Variants in IKZF3 observed in about 807,000 individuals in gnomAD.
IKZF3 encodes the protein IKAROS family zinc finger 3, also known as zinc finger protein Aiolos.
A neutral mutation model predicts 49.0 loss-of-function variants in IKZF3; 10 were observed. That is an observed-to-expected ratio of 0.20 (90% CI 0.13 to 0.35). IKZF3 has a LOEUF of 0.35. IKZF3 is among the 10% of genes least tolerant of loss of function. The pLI is 1.00. For missense variants in IKZF3, 498 were observed against 664.8 expected (o/e 0.75, Z 2.76); for synonymous variants, 209 against 228.2 (o/e 0.92, Z 0.76).
intron 1 of IKZF3, among the ~76,000 whole-genome samples, chr17:39,849,646 C>T (rs1342772906): frequency 1.3e-5 from 2 of 151,664 alleles, no homozygotes; most frequent in Non-Finnish European, 2.9e-5. Flanking sequence ...AGCGAGACTC[C>T]GTCTCAGGAA....
intron 3 of IKZF3, among the ~76,000 whole-genome samples, chr17:39,824,707 TC>T (rs1337362785): frequency 7.3e-5 from 11 of 151,420 alleles, no homozygotes; most frequent in African/African-American, 2.7e-4. Context: ...TTTTTTTTTT[TC>T]CTTTTGAGAC....
intron 1 of IKZF3, among the ~76,000 whole-genome samples, chr17:39,850,166 T>TA (rs1457375326): frequency 2.5e-5 from 3 of 121,452 alleles, no homozygotes; most frequent in Admixed American, 2.5e-4. Flanking sequence ...ATATACTATA[T>TA]GTATATATAC....
intron 3 of IKZF3, among the ~76,000 whole-genome samples, chr17:39,827,700 C>T (rs2144268419): frequency 6.6e-6 from 1 of 152,222 alleles, no homozygotes; most frequent in South Asian, 2.1e-4. Flanking sequence ...ACGAAAGAAC[C>T]AGAACAGAAG....
At chr17:39,854,183 A>G (rs2062970966) in intron 1 of IKZF3, among the ~76,000 whole-genome samples, 1 of 152,166 alleles carries the variant, frequency 6.6e-6, no homozygotes, top group Non-Finnish European at 1.5e-5. Flanking sequence ...ACAGTAAATA[A>G]TATTCTATAT....
intron 3 of IKZF3, among the ~76,000 whole-genome samples, chr17:39,795,628 A>G (rs1205179285): frequency 6.6e-6 from 1 of 151,500 alleles, no homozygotes; most frequent in Non-Finnish European, 1.5e-5. Flanking sequence ...GCTGGTCTCG[A>G]ACTCCTGACC....
intron 3 of IKZF3, among the ~76,000 whole-genome samples, chr17:39,808,106 T>C (rs1314201197): frequency 2.0e-5 from 3 of 152,248 alleles, no homozygotes; most frequent in African/African-American, 7.2e-5. Flanking sequence ...ACTCTGATAC[T>C]GACTCTGTCT....
At chr17:39,797,582 C>G (rs1025391180) in intron 3 of IKZF3, among the ~76,000 whole-genome samples, 1 of 152,160 alleles carries the variant, frequency 6.6e-6, no homozygotes, top group African/African-American at 2.4e-5. Flanking sequence ...GCCACCACAC[C>G]TGGCTAATTT....
At chr17:39,825,004 T>C (rs1411000706) in intron 3 of IKZF3, among the ~76,000 whole-genome samples, 1 of 152,150 alleles carries the variant, frequency 6.6e-6, no homozygotes, top group East Asian at 1.9e-4. Flanking sequence ...CAAGATCTGA[T>C]GGTTTCATAA....
rs1434022983 is a variant in IKZF3 at position 39,761,631 on chromosome 17, C to G, written c.*4159G>C. On this transcript the variant is annotated 3_prime_UTR_variant, in exon 8 of 8. Coordinates refer to ENST00000346872, the MANE Select transcript of IKZF3 (RefSeq NM_012481.5). ...TTAAAAAACACCTGGAGCACTGGTT[C>G]TGTTTCTTTTCCACCCTCAGCCCAG... is the stretch of plus-strand genomic sequence containing the variant. 3.9e-5 allele frequency: 6 copies of G among 152,264 alleles called. No homozygotes were observed. In the East Asian group the frequency reaches 7.7e-4, roughly 20 times the overall value. 9.4% of individuals were successfully genotyped at this position (152,264 alleles called of 1,614,324 possible). A position where few individuals can be genotyped will look rare whatever the true frequency, so the allele number is the denominator to read the frequency against.
chr17:39,837,655 T>C (rs1346265674), intron 1 of IKZF3, among the ~76,000 whole-genome samples: 1 of 151,842 alleles, frequency 6.6e-6, no homozygotes, highest in Non-Finnish European at 1.5e-5. Flanking sequence ...TTTTTTTTTT[T>C]TGAGACGGAG....
At chr17:39,857,839 C>T (rs2063105590) in intron 1 of IKZF3, among the ~76,000 whole-genome samples, 2 of 151,688 alleles carry the variant, frequency 1.3e-5, no homozygotes, top group African/African-American at 4.8e-5. Context: ...TAAAAAGATC[C>T]CCAGCTACGC....
intron 1 of IKZF3, among the ~76,000 whole-genome samples, chr17:39,832,516 T>C (rs1017776073): frequency 6.7e-6 from 1 of 150,242 alleles, no homozygotes; most frequent in African/African-American, 2.5e-5. Context: ...TGTACATATA[T>C]ATGTACATAT....
chr17:39,780,616 C>CCAAAG (rs2060717468), intron 6 of IKZF3, among the ~76,000 whole-genome samples: 1 of 152,220 alleles, frequency 6.6e-6, no homozygotes, highest in East Asian at 1.9e-4. Context: ...CTTCAGCCTC[C>CCAAAG]CAAAGTGTTG....
chr17:39,773,840 A>G (rs1256428827), intron 7 of IKZF3, among the ~76,000 whole-genome samples: 1 of 152,184 alleles, frequency 6.6e-6, no homozygotes, highest in African/African-American at 2.4e-5. Flanking sequence ...AAATCCCCTA[A>G]AGGACAGTAT....
chr17:39,759,070 A>C lies in IKZF3; in HGVS notation c.*6720T>G, dbSNP rs1173016334. The stretch of plus-strand genomic sequence containing the variant: ...ACCCATTAACATTCCTATTTCAAAT[A>C]GCTCAATCGATATCAACACATAAGA... On this transcript the variant is annotated 3_prime_UTR_variant, in exon 8 of 8. Coordinates refer to ENST00000346872, the MANE Select transcript of IKZF3 (RefSeq NM_012481.5). 1.3e-5 allele frequency: 2 copies of C among 151,952 alleles called. No individual in the cohort carries two copies. Among genetic ancestry groups the C allele is most frequent in the Non-Finnish European group, 2.9e-5 (2 of 68,004 alleles). 9.4% of individuals were successfully genotyped at this position (151,952 alleles called of 1,614,324 possible). A position where few individuals can be genotyped will look rare whatever the true frequency, so the allele number is the denominator to read the frequency against.
At chr17:39,818,116 T>C (rs565307731) in intron 3 of IKZF3, among the ~76,000 whole-genome samples, 1 of 152,340 alleles carries the variant, frequency 6.6e-6, no homozygotes, top group South Asian at 2.1e-4. Flanking sequence ...CATGTTACTG[T>C]ACTGAATACT....
At chr17:39,859,061 G>A (rs1393111888) in intron 1 of IKZF3, among the ~76,000 whole-genome samples, 2 of 151,028 alleles carry the variant, frequency 1.3e-5, no homozygotes, top group Non-Finnish European at 3.0e-5. Context: ...CTCCCACCTT[G>A]GCCTCCCAAA....
At chr17:39,810,616 CAA>C (rs36003163) in intron 3 of IKZF3, among the ~76,000 whole-genome samples, 4,227 of 79,246 alleles carry the variant, frequency 0.053, 177 homozygotes, top group African/African-American at 0.17. Flanking sequence ...GTATCTGCAG[CAA>C]AAAAAAAAAA....
chr17:39,803,514 CTTT>C (rs72220610), intron 3 of IKZF3, among the ~76,000 whole-genome samples: 20 of 141,360 alleles, frequency 1.4e-4, no homozygotes, highest in African/African-American at 3.9e-4. Flanking sequence ...TTCACTCTAT[CTTT>C]TTTTTTTTTT....
Sources: allele counts gnomAD v4.1 joint callset (sites outside exome capture counted in the v4.1 genomes callset), GRCh38; gene constraint gnomAD v4.1.1; transcripts MANE v1.5; gene names NCBI Gene and HGNC (gene_info 2026-07-23, HGNC 2026-07-21).